Variants in GLUD1 observed in about 807,000 individuals in gnomAD.
The protein encoded by GLUD1 is glutamate dehydrogenase 1, mitochondrial.
A neutral mutation model predicts 56.0 loss-of-function variants in GLUD1; 22 were observed. The ratio of observed to expected loss-of-function variants is 0.39; its 90% CI spans 0.28 to 0.56. The LOEUF (loss-of-function observed/expected upper bound fraction) is 0.56, where lower values mean the gene tolerates loss of function less well. Among genes scored for constraint, GLUD1 ranks in the 20% least tolerant of loss-of-function variants. The pLI is 0.58. For synonymous variants in GLUD1, 223 were observed against 269.9 expected, an observed-to-expected ratio of 0.83 and a Z score of 1.70; for missense variants, 451 against 732.0, an observed-to-expected ratio of 0.62 and a Z score of 4.43.
intron 3 of GLUD1, 122 bp downstream of exon 3, chr10:87,075,846 G>A (rs1378691840): frequency 5.4e-6 from 4 of 739,826 alleles, no homozygotes; most frequent in African/African-American, 5.2e-5. Context: ...CCCGGGAGGC[G>A]GAGGTTGCAG....
intron 1 of GLUD1, among the ~76,000 whole-genome samples, chr10:87,085,348 C>CAAAAA (rs10655872): frequency 1.8e-5 from 2 of 112,598 alleles, no homozygotes; most frequent in African/African-American, 6.3e-5. Context: ...ACTCCGTCTC[C>CAAAAA]AAAAAAAAAA....
chr10:87,053,675 T>G (rs1589350187), intron 11 of GLUD1, among the ~76,000 whole-genome samples: 1 of 152,200 alleles, frequency 6.6e-6, no homozygotes, highest in African/African-American at 2.4e-5. Context: ...AAGACAGTTT[T>G]TGGACCTAGA....
chr10:87,093,990 G>T lies in GLUD1; in HGVS notation c.445+335C>A, dbSNP rs1238767552. Reference sequence around the variant, plus strand: ...CACGGGCAGGTCATTCCCTTTCCTAGAAGTGCATTTCGGCAGGACCCGCCG... The same window carrying T: ...CACGGGCAGGTCATTCCCTTTCCTATAAGTGCATTTCGGCAGGACCCGCCG... On this transcript the variant is annotated intron_variant, in intron 1 of 12. Transcript: ENST00000277865. 10 of 1,438,476 alleles carry T rather than the reference G, an allele frequency of 7.0e-6. 1 individual carries two copies. The highest frequency in any genetic ancestry group is 4.2e-5 in the Admixed American group (2 of 47,908). The allele number at this position is 1,438,476 out of a possible 1,614,324, so 89.1% of individuals were successfully genotyped here.
At position 87,057,781 on chromosome 10, in the gene GLUD1, C is replaced by T. The variant is rs1435362027; in HGVS notation, c.1404G>A (p.Met468Ile). The T allele has an allele frequency of 2.1e-6, 3 of 1,404,420 alleles. No homozygotes were observed. The highest frequency in any genetic ancestry group is 2.9e-5 in the African/African-American group (2 of 68,568). The allele number at this position is 1,404,420 out of a possible 1,614,324, so 87.0% of individuals were successfully genotyped here. Residue 468 changes from methionine to isoleucine, a missense_variant and splice_region_variant, in exon 11 of 13, where the codon ATG (methionine) becomes ATA (isoleucine). Physicochemically the swap from Met to Ile is conservative, Grantham distance 10. Transcript: ENST00000277865. ...YERDSNYHLL[M>I]SVQESLERKF... ...TTCTTTCTAAACTCTCTTGAACAGACACTACAAAAAAATAACAAGAGATCA... is the reference window on the plus strand; with the variant it reads ...TTCTTTCTAAACTCTCTTGAACAGATACTACAAAAAAATAACAAGAGATCA...
intron 11 of GLUD1, among the ~76,000 whole-genome samples, chr10:87,057,176 A>G (rs1845801782): frequency 6.6e-6 from 1 of 152,146 alleles, no homozygotes; most frequent in Non-Finnish European, 1.5e-5. Flanking sequence ...TTTTTAGTAG[A>G]GACGGGGTCA....
At chr10:87,082,043 TCAC>T (rs1001230192) in intron 1 of GLUD1, among the ~76,000 whole-genome samples, 1 of 151,920 alleles carries the variant, frequency 6.6e-6, no homozygotes, top group East Asian at 1.9e-4. Flanking sequence ...GTGGAAGTCA[TCAC>T]CACATTATTT....
rs949926928 is a variant in GLUD1 at position 87,050,351 on chromosome 10, C to G, written c.*1400G>C. 1.3e-5 allele frequency: 2 copies of G among 150,338 alleles called. No individual in the cohort carries two copies. The highest frequency in any genetic ancestry group is 4.9e-5 in the African/African-American group (2 of 40,900). 9.3% of individuals were successfully genotyped at this position (150,338 alleles called of 1,614,324 possible). A position where few individuals can be genotyped will look rare whatever the true frequency, so the allele number is the denominator to read the frequency against. ...AAAAAAAACAATTCAAGAATAAAAT[C>G]TGGGCAGCTCACAATAAAGTGGAAG... On this transcript the variant is annotated 3_prime_UTR_variant, in exon 13 of 13. Transcript: ENST00000277865.
intron 1 of GLUD1, among the ~76,000 whole-genome samples, chr10:87,081,322 T>TG (rs1218173545): frequency 1.8e-4 from 21 of 117,524 alleles, no homozygotes; most frequent in Middle Eastern, 5.5e-3. Context: ...GGGAGGGAGG[T>TG]GGGGGGGTCA....
At chr10:87,062,886 T>C (rs376797711) in intron 5 of GLUD1, 51 bp from the exon 6 acceptor site, 9 of 1,521,888 alleles carry the variant, frequency 5.9e-6, no homozygotes, top group Non-Finnish European at 7.3e-6. Context: ...AATTTCTCTG[T>C]TGAAGGAACA....
At chr10:87,082,823 A>G (rs1174789713) in intron 1 of GLUD1, among the ~76,000 whole-genome samples, 1 of 152,226 alleles carries the variant, frequency 6.6e-6, no homozygotes, top group African/African-American at 2.4e-5. Context: ...ATAAGACACA[A>G]TGTACCCACA....
intron 5 of GLUD1, 181 bp downstream of exon 5, chr10:87,067,882 C>T: frequency 1.7e-6 from 1 of 601,602 alleles, no homozygotes; most frequent in East Asian, 3.2e-5. Flanking sequence ...ATAAGTAAAG[C>T]TCAATCTGTG....
At position 87,059,063 on chromosome 10, in the gene GLUD1, G is replaced by GT. The variant is rs1190829925; in HGVS notation, c.1402+86_1402+87insA. The GT allele has an allele frequency of 2.1e-6, 3 of 1,432,708 alleles. No individual in the cohort carries two copies. The African/African-American group carries it at 4.2e-5, about 20-fold the overall frequency. The allele number at this position is 1,432,708 out of a possible 1,614,324, so 88.7% of individuals were successfully genotyped here. ...TTCTGAGACTCAATTCTTTCCCAAAGGGATCAGTTCTCTTAAGTGGACCTT... is the reference window on the plus strand; with the variant it reads ...TTCTGAGACTCAATTCTTTCCCAAAGTGGATCAGTTCTCTTAAGTGGACCTT... On this transcript the variant is annotated intron_variant, in intron 10 of 12. Coordinates refer to ENST00000277865, the MANE Select transcript of GLUD1 (RefSeq NM_005271.5).
At chr10:87,055,890 T>C (rs552564535) in intron 11 of GLUD1, among the ~76,000 whole-genome samples, 2 of 151,398 alleles carry the variant, frequency 1.3e-5, no homozygotes, top group South Asian at 4.2e-4. Flanking sequence ...CCGAGGCGGG[T>C]GGATCACGAG....
intron 1 of GLUD1, among the ~76,000 whole-genome samples, chr10:87,080,533 G>C (rs11202322): frequency 0.26 from 39,577 of 150,226 alleles, 5,112 homozygotes; most frequent in Middle Eastern, 0.34. Flanking sequence ...AGGAAGTGAG[G>C]AGCGTCTCTG....
intron 1 of GLUD1, among the ~76,000 whole-genome samples, chr10:87,083,206 G>C (rs1240192782): frequency 7.1e-6 from 1 of 140,926 alleles, no homozygotes; most frequent in African/African-American, 2.8e-5. Flanking sequence ...GTTTGAGACT[G>C]TCTCAAAAAA....
chr10:87,090,430 G>A (rs886966751), intron 1 of GLUD1, among the ~76,000 whole-genome samples: 38 of 152,244 alleles, frequency 2.5e-4, no homozygotes, highest in African/African-American at 9.1e-4. Flanking sequence ...TGCACGTGGG[G>A]CTTTACTGCC....
chr10:87,053,331 T>G lies in GLUD1; in HGVS notation c.1557+11A>C, dbSNP rs111580624. The stretch of plus-strand genomic sequence containing the variant: ...GACTAGCTGGAAGGCAAACAGCATC[T>G]GCACACATACCCTGGCAGAACGCTC... On this transcript the variant is annotated intron_variant, in intron 12 of 12. Transcript: ENST00000277865. 4.4e-6 allele frequency: 7 copies of G among 1,596,404 alleles called. No homozygotes were observed. The highest frequency in any genetic ancestry group is 6.0e-6 in the Non-Finnish European group (7 of 1,163,798).
intron 4 of GLUD1, among the ~76,000 whole-genome samples, chr10:87,070,121 G>A (rs1180360855): frequency 6.6e-6 from 1 of 152,160 alleles, no homozygotes; most frequent in Non-Finnish European, 1.5e-5. Context: ...AAAGGATTAT[G>A]CTTGCTTTAG....
At chr10:87,058,145 G>A (rs1182297166) in intron 10 of GLUD1, among the ~76,000 whole-genome samples, 1 of 152,216 alleles carries the variant, frequency 6.6e-6, no homozygotes, top group African/African-American at 2.4e-5. Flanking sequence ...TGGGATTACA[G>A]GCGTGAGCCA....
Sources: allele counts gnomAD v4.1 joint callset (sites outside exome capture counted in the v4.1 genomes callset), GRCh38; gene constraint gnomAD v4.1.1; transcripts MANE v1.5; gene names NCBI Gene and HGNC (gene_info 2026-07-23, HGNC 2026-07-21).